The following MAX variants were observed in gnomAD, a reference collection of about 807,000 sequenced individuals.
MAX encodes the protein protein max.
Under a neutral mutation model 22.3 loss-of-function variants are expected in MAX, and 3 were observed. The observed-to-expected ratio is 0.13, with a 90% CI of 0.06 to 0.35. The LOEUF (loss-of-function observed/expected upper bound fraction) is 0.35, where lower values mean the gene tolerates loss of function less well. MAX is among the 10% of genes least tolerant of loss of function. The probability of loss-of-function intolerance (pLI) is 1.00; values close to 1 mark genes in which losing one functional copy is unlikely to be tolerated. For missense variants in MAX, 119 were observed against 209.4 expected, an observed-to-expected ratio of 0.57 and a Z score of 2.66; for synonymous variants, 72 against 77.7, an observed-to-expected ratio of 0.93 and a Z score of 0.39.
chr14:65,031,197 G>T lies in MAX; in HGVS notation c.172-24913C>A, dbSNP rs1470388276. On this transcript the variant is annotated intron_variant, in intron 3 of 3. Coordinates refer to the MAX transcript ENST00000341653. This position sits in a 1 kb window ranked among gnomAD's most constrained non-coding sequence, Gnocchi z 4.6. ...AAAAAACCATAGAGGGGAAGGAAAG[G>T]CAGTCTGTGTGTGTATACCATGACA... 1.3e-5 allele frequency among the ~76,000 whole-genome samples: 2 copies of T among 152,160 alleles called. No individual in the cohort carries two copies. The highest frequency in any genetic ancestry group is 2.9e-5 in the Non-Finnish European group (2 of 68,030).
chr14:65,080,052 G>T (rs368498219), intron 3 of MAX, among the ~76,000 whole-genome samples: 10 of 152,132 alleles, frequency 6.6e-5, no homozygotes, highest in African/African-American at 2.4e-4. Context: ...AATATCACAG[G>T]GCAGTGCTGA....
rs2139645502 is a variant in MAX, at chr14:65,044,738, G to A, written c.172-38454C>T. The A allele has an allele frequency of 2.5e-6, 1 of 406,400 alleles. No homozygotes were observed. Among genetic ancestry groups the A allele is most frequent in the Non-Finnish European group, 4.4e-6 (1 of 229,752 alleles). The allele number at this position is 406,400 out of a possible 1,614,324, so 25.2% of individuals were successfully genotyped here. ...GCGCTGCTTCTGCGTTATCTGGAAGGAGCAGCCCACTCCTGTCCTGGGCTC... is the reference window on the plus strand; with the variant it reads ...GCGCTGCTTCTGCGTTATCTGGAAGAAGCAGCCCACTCCTGTCCTGGGCTC... On this transcript the variant is annotated intron_variant, in intron 3 of 3. Transcript: ENST00000341653. The surrounding 1 kb of genome is among the most constrained non-coding windows in gnomAD (Gnocchi z 5.5).
At chr14:65,061,306 C>T (rs556849979) in intron 3 of MAX, 17 of 1,613,764 alleles carry the variant, frequency 1.1e-5, no homozygotes, top group South Asian at 9.9e-5. Flanking sequence ...AGCCTGCAAC[C>T]GACTAGAGGA....
rs1279924340 is a variant in MAX at position 65,047,380 on chromosome 14, G to C, written c.172-41096C>G. Among the ~76,000 whole-genome samples the C allele has an allele frequency of 6.6e-6, 1 of 152,222 alleles. No individual in the cohort carries two copies. Among genetic ancestry groups the C allele is most frequent in the Non-Finnish European group, 1.5e-5 (1 of 68,056 alleles). On this transcript the variant is annotated intron_variant, in intron 3 of 3. Coordinates refer to the MAX transcript ENST00000341653. This position sits in a 1 kb window ranked among gnomAD's most constrained non-coding sequence, Gnocchi z 5.2. ...CCAGACTAGCTGGCATCTGAACCCT[G>C]CCCTGCTCATAACCACAGTAGGTGG... is the stretch of plus-strand genomic sequence containing the variant.
chr14:65,007,612 C>T lies in MAX; in HGVS notation c.172-1328G>A, dbSNP rs1399675637. On this transcript the variant is annotated intron_variant, in intron 3 of 3. Coordinates refer to the MAX transcript ENST00000341653. This position sits in a 1 kb window ranked among gnomAD's most constrained non-coding sequence, Gnocchi z 4.9. ...TCTTCTCTAAGGTTGGGACTGTCTA[C>T]CTGGAGTGAGGTAGTCAGTCCCAAG... 1.3e-5 allele frequency among the ~76,000 whole-genome samples: 2 copies of T among 152,184 alleles called. No homozygotes were observed. Among genetic ancestry groups the T allele is most frequent in the East Asian group, 3.9e-4 (2 of 5,190 alleles).
At chr14:65,058,088 T>C (rs1379267077) in intron 3 of MAX, among the ~76,000 whole-genome samples, 1 of 151,364 alleles carries the variant, frequency 6.6e-6, no homozygotes, top group Non-Finnish European at 1.5e-5. Context: ...CACTACATTT[T>C]AGATTAATAG....
chr14:65,053,635 C>A (rs12894195), intron 3 of MAX, among the ~76,000 whole-genome samples: 36,582 of 146,748 alleles, frequency 0.25, 4,775 homozygotes, highest in Non-Finnish European at 0.3. Context: ...TTAAAAAAAA[C>A]AAAAAAAAAC....
At chr14:65,025,265 G>A (rs758878117) in intron 3 of MAX, among the ~76,000 whole-genome samples, 31 of 152,258 alleles carry the variant, frequency 2.0e-4, no homozygotes, top group African/African-American at 6.7e-4. Flanking sequence ...CGTTCGGCAC[G>A]ATTCTATCTT....
At chr14:65,057,569 C>T (rs548736838) in intron 3 of MAX, among the ~76,000 whole-genome samples, 2 of 152,226 alleles carry the variant, frequency 1.3e-5, no homozygotes, top group African/African-American at 2.4e-5. Flanking sequence ...GGGAAGCAGA[C>T]AAAAGGAGGC....
Position 65,076,853 on chromosome 14 carries a change from G to A in MAX, c.296-190C>T, listed in dbSNP as rs2063071378. The A allele has an allele frequency of 1.5e-6, 1 of 676,190 alleles. No homozygotes were observed. The highest frequency in any genetic ancestry group is 2.7e-5 in the East Asian group (1 of 36,662). 41.9% of individuals were successfully genotyped at this position (676,190 alleles called of 1,614,324 possible). ...CTTCATTTCCCTCCCGCCTTTCCCA[G>A]CTGGACCTGGGAGCCAGCAGACACT... On this transcript the variant is annotated intron_variant, in intron 4 of 4. Coordinates refer to ENST00000358664, the MANE Select transcript of MAX (RefSeq NM_002382.5). The surrounding 1 kb of genome is among the most constrained non-coding windows in gnomAD (Gnocchi z 6.6).
At position 65,077,411 on chromosome 14, in the gene MAX, A is replaced by G; in HGVS notation, c.295+502T>C. On this transcript the variant is annotated intron_variant, in intron 4 of 4. Transcript: ENST00000358664. This position sits in a 1 kb window ranked among gnomAD's most constrained non-coding sequence, Gnocchi z 6.3. ...GAATTCCCCAGGAACAAAGAACTTG[A>G]TCAGCTCTCGCTTTCCCCTGTGGTT... 6.2e-7 allele frequency: 1 copy of G among 1,613,164 alleles called. No homozygotes were observed. The highest frequency in any genetic ancestry group is 8.5e-7 in the Non-Finnish European group (1 of 1,179,078).
In MAX at chr14:65,011,255, C is replaced by A. The variant is rs2061678403; in HGVS notation, c.172-4971G>T. 6.6e-6 allele frequency among the ~76,000 whole-genome samples: 1 copy of A among 152,016 alleles called. No homozygotes were observed. Among genetic ancestry groups the A allele is most frequent in the South Asian group, 2.1e-4 (1 of 4,820 alleles). On this transcript the variant is annotated intron_variant, in intron 3 of 3. Coordinates refer to the MAX transcript ENST00000341653. The surrounding 1 kb of genome is among the most constrained non-coding windows in gnomAD (Gnocchi z 4.0). ...CCAGCCTGGGCAACATGGTGAAACC[C>A]CCGTCTCCACTAAAAATACAAAAAT...
In MAX at chr14:65,084,396, CA is replaced by C. The variant is rs200104462; in HGVS notation, c.172-6361del. On this transcript the variant is annotated intron_variant, in intron 3 of 4. Coordinates refer to ENST00000358664, the MANE Select transcript of MAX (RefSeq NM_002382.5). This position sits in a 1 kb window ranked among gnomAD's most constrained non-coding sequence, Gnocchi z 4.3. ...GTTTACTGAATTAGTTACCCTCTTC[CA>C]AAAAAAAAAATTCCAGTGATAATGA... The C allele has an allele frequency of 0.019, 9,863 of 532,858 alleles. No homozygotes were observed. The highest frequency in any genetic ancestry group is 0.03 in the Middle Eastern group (53 of 1,794). 33.0% of individuals were successfully genotyped at this position (532,858 alleles called of 1,614,324 possible).
Position 65,027,363 on chromosome 14 carries a change from T to C in MAX, c.172-21079A>G, listed in dbSNP as rs2062002129. The C allele has an allele frequency of 6.4e-7, 1 of 1,562,472 alleles. No homozygotes were observed. The highest frequency in any genetic ancestry group is 1.4e-5 in the African/African-American group (1 of 73,910). ...CCTCAACTTTTGAGGGAGTGGGGGA[T>C]CATTGGAAAGGCCTGGAATCTAGTG... On this transcript the variant is annotated intron_variant, in intron 3 of 3. Transcript: ENST00000341653. This position sits in a 1 kb window ranked among gnomAD's most constrained non-coding sequence, Gnocchi z 5.7.
Position 65,027,493 on chromosome 14 carries a change from G to A in MAX, c.172-21209C>T. On this transcript the variant is annotated intron_variant, in intron 3 of 3. Coordinates refer to the MAX transcript ENST00000341653. This position sits in a 1 kb window ranked among gnomAD's most constrained non-coding sequence, Gnocchi z 5.7. ...GGAGCTGTGTCAGAGCCCAGAAGGT[G>A]GCTTTGGAGGAGGACCCGGTCAGTA... is the stretch of plus-strand genomic sequence containing the variant. 1 of 1,614,208 alleles carries A rather than the reference G, an allele frequency of 6.2e-7. No individual in the cohort carries two copies. The highest frequency in any genetic ancestry group is 8.5e-7 in the Non-Finnish European group (1 of 1,180,044).
At chr14:65,064,721 C>A (rs1031990408) in intron 3 of MAX, among the ~76,000 whole-genome samples, 3 of 152,246 alleles carry the variant, frequency 2.0e-5, no homozygotes, top group Non-Finnish European at 4.4e-5. Flanking sequence ...AATGAGGCTT[C>A]ATTAGAAGCA....
intron 3 of MAX, among the ~76,000 whole-genome samples, chr14:65,017,510 C>T (rs960002072): frequency 6.6e-6 from 1 of 152,026 alleles, no homozygotes; most frequent in Non-Finnish European, 1.5e-5. Flanking sequence ...AGGCTGTGTA[C>T]TTGGTGTTTT....
intron 3 of MAX, among the ~76,000 whole-genome samples, chr14:65,039,024 A>G (rs1267194096): frequency 6.6e-6 from 1 of 151,976 alleles, no homozygotes; most frequent in Non-Finnish European, 1.5e-5. Context: ...CCTCCAATTT[A>G]TTTTTGTTTG....
intron 2 of MAX, 54 bp downstream of exon 2, chr14:65,101,492 A>G (rs2063831720): frequency 8.0e-6 from 12 of 1,504,012 alleles, no homozygotes; most frequent in South Asian, 1.2e-5. Context: ...TCTGACCCCA[A>G]AAAGGAATAG....
Sources: allele counts gnomAD v4.1 joint callset (sites outside exome capture counted in the v4.1 genomes callset), GRCh38; gene constraint gnomAD v4.1.1; non-coding constraint Gnocchi (gnomAD v3.1); transcripts MANE v1.5; gene names NCBI Gene and HGNC (gene_info 2026-07-23, HGNC 2026-07-21).